Variants in CADM1 observed in about 807,000 individuals in gnomAD.
CADM1 encodes cell adhesion molecule 1.
In CADM1, 15 loss-of-function variants were observed where a neutral mutation model predicts 53.1. The observed-to-expected ratio is 0.28, with a 90% confidence interval of 0.19 to 0.44. The LOEUF (loss-of-function observed/expected upper bound fraction) is 0.44, where lower values mean the gene tolerates loss of function less well. Ranked by LOEUF, CADM1 falls within the 20% of genes least tolerant of loss-of-function variation. CADM1 has a pLI of 1.00. For synonymous variants in CADM1, 281 were observed against 243.0 expected (o/e 1.16, Z -1.45); for missense variants, 434 against 611.3 (o/e 0.71, Z 3.06).
At chr11:115,323,104 T>C (rs1944865925) in intron 1 of CADM1, among the ~76,000 whole-genome samples, 1 of 152,160 alleles carries the variant, frequency 6.6e-6, no homozygotes, top group Admixed American at 6.5e-5. Flanking sequence ...CCTGTTATTG[T>C]CTTCTTGTTA....
chr11:115,463,151 G>C (rs1056259253), intron 1 of CADM1, among the ~76,000 whole-genome samples: 2 of 152,008 alleles, frequency 1.3e-5, no homozygotes, highest in Non-Finnish European at 2.9e-5. Context: ...TTATTTCTGG[G>C]GACTCACCAA....
At chr11:115,202,382 GC>G (rs1940474807) in intron 8 of CADM1, among the ~76,000 whole-genome samples, 1 of 152,088 alleles carries the variant, frequency 6.6e-6, no homozygotes. Context: ...CACAACGGGT[GC>G]CATAAATGAA....
intron 3 of CADM1, among the ~76,000 whole-genome samples, chr11:115,235,195 C>T (rs1380593590): frequency 2.1e-4 from 31 of 148,556 alleles, no homozygotes; most frequent in Admixed American, 1.3e-4. Context: ...AGCAAGAAAG[C>T]TTTCAAAAAT....
At chr11:115,447,421 A>G (rs926629036) in intron 1 of CADM1, among the ~76,000 whole-genome samples, 1 of 152,146 alleles carries the variant, frequency 6.6e-6, no homozygotes, top group African/African-American at 2.4e-5. Context: ...AGCAGCAAAG[A>G]CTTCTGTGCC....
intron 1 of CADM1, among the ~76,000 whole-genome samples, chr11:115,465,569 A>G (rs1378826782): frequency 6.6e-6 from 1 of 152,200 alleles, no homozygotes; most frequent in African/African-American, 2.4e-5. Context: ...ATATAGATAT[A>G]AAGATAGTCC....
At chr11:115,223,144 A>T (rs956626978) in intron 5 of CADM1, among the ~76,000 whole-genome samples, 6 of 152,338 alleles carry the variant, frequency 3.9e-5, no homozygotes, top group Middle Eastern at 3.4e-3. Context: ...TGATTAAAAA[A>T]TAAATAAAAT....
intron 1 of CADM1, among the ~76,000 whole-genome samples, chr11:115,394,857 AAAAAC>A (rs1027747725): frequency 7.2e-5 from 11 of 152,202 alleles, no homozygotes; most frequent in African/African-American, 2.7e-4. Flanking sequence ...TAGAAAATAA[AAAAAC>A]AAAACAAAAC....
At chr11:115,231,901 G>A (rs1662885867) in intron 3 of CADM1, among the ~76,000 whole-genome samples, 1 of 152,008 alleles carries the variant, frequency 6.6e-6, no homozygotes, top group Admixed American at 6.5e-5. Context: ...CAGGAGAATC[G>A]CTTGAACCTG....
intron 1 of CADM1, among the ~76,000 whole-genome samples, chr11:115,353,293 G>C (rs953389064): frequency 5.3e-5 from 8 of 152,152 alleles, no homozygotes. Flanking sequence ...CTGTCCAACA[G>C]AACTTCCTGT....
intron 1 of CADM1, among the ~76,000 whole-genome samples, chr11:115,317,264 A>T (rs940558798): frequency 1.3e-5 from 2 of 152,162 alleles, no homozygotes; most frequent in Non-Finnish European, 2.9e-5. Flanking sequence ...AACCGTGGAC[A>T]GTCTTTAAAG....
chr11:115,473,040 A>G (rs1207346869), intron 1 of CADM1, among the ~76,000 whole-genome samples: 1 of 152,216 alleles, frequency 6.6e-6, no homozygotes, highest in Non-Finnish European at 1.5e-5. Context: ...TTCTCAGCAC[A>G]AGTTTCATAG....
intron 7 of CADM1, among the ~76,000 whole-genome samples, chr11:115,213,311 T>A (rs1350005397): frequency 2.6e-5 from 4 of 152,228 alleles, no homozygotes; most frequent in African/African-American, 9.6e-5. Context: ...CTCACCTATG[T>A]AGAAAAGCTG....
At chr11:115,387,600 A>G (rs1009183257) in intron 1 of CADM1, among the ~76,000 whole-genome samples, 1 of 152,164 alleles carries the variant, frequency 6.6e-6, no homozygotes, top group African/African-American at 2.4e-5. Flanking sequence ...CATAATTTGA[A>G]TCTATTTTTA....
intron 1 of CADM1, among the ~76,000 whole-genome samples, chr11:115,290,594 G>T (rs1943864507): frequency 6.6e-6 from 1 of 152,162 alleles, no homozygotes; most frequent in Admixed American, 6.5e-5. Flanking sequence ...ATGAGAAACA[G>T]AAACAGCACA....
rs148038608 is a variant in CADM1, at chr11:115,418,289, G to A, written c.124+85982C>T. On this transcript the variant is annotated intron_variant, in intron 1 of 11. Transcript: ENST00000331581. ...CGAGGGTATAAGGGGAGTGGAACAC[G>A]CAAGTGGTTAAGATTATTACACTTA... is the stretch of plus-strand genomic sequence containing the variant. Among the ~76,000 whole-genome samples, 8 of 152,216 alleles carry A rather than the reference G, an allele frequency of 5.3e-5. No homozygotes were observed. The South Asian group carries it at 8.3e-4, about 16-fold the overall frequency.
chr11:115,482,788 A>G lies in CADM1; in HGVS notation c.124+21483T>C, dbSNP rs763204371. On this transcript the variant is annotated intron_variant, in intron 1 of 11. Coordinates refer to ENST00000331581, the MANE Select transcript of CADM1 (RefSeq NM_001301043.2). ...AGGTTGTAGTGAGGTTTTGGCATAT[A>G]TGCATTTCTGTGCATTAATATTTTT... 1.6e-4 allele frequency among the ~76,000 whole-genome samples: 25 copies of G among 152,218 alleles called. 1 individual carries two copies. The highest frequency in any genetic ancestry group is 8.8e-5 in the Non-Finnish European group (6 of 68,040).
chr11:115,341,746 G>T (rs1336552809), intron 1 of CADM1, among the ~76,000 whole-genome samples: 4 of 152,134 alleles, frequency 2.6e-5, no homozygotes, highest in Non-Finnish European at 5.9e-5. Flanking sequence ...GTGTGACAGA[G>T]AATAATATAA....
At chr11:115,233,715 T>TA (rs113851991) in intron 3 of CADM1, among the ~76,000 whole-genome samples, 1,912 of 142,986 alleles carry the variant, frequency 0.013, 34 homozygotes, top group African/African-American at 0.039. Flanking sequence ...GGAATGAAAG[T>TA]AAAAAAAAAA....
intron 1 of CADM1, among the ~76,000 whole-genome samples, chr11:115,328,401 G>A (rs1945015062): frequency 6.6e-6 from 1 of 151,786 alleles, no homozygotes; most frequent in Non-Finnish European, 1.5e-5. Flanking sequence ...TAAAGTTATT[G>A]TTTGTAGATG....
Sources: gnomAD v4.1 joint callset for allele counts (sites outside exome capture counted in the v4.1 genomes callset) on GRCh38, gnomAD v4.1.1 for gene constraint, MANE v1.5 for transcripts, NCBI Gene and HGNC (gene_info 2026-07-23, HGNC 2026-07-21) for gene names.